Variants in MGAT4C observed in about 807,000 individuals in gnomAD.
MGAT4C encodes the protein alpha-1,3-mannosyl-glycoprotein 4-beta-N-acetylglucosaminyltransferase C.
Under a neutral mutation model 40.1 loss-of-function variants are expected in MGAT4C, and 19 were observed. The observed-to-expected ratio is 0.47, with a 90% confidence interval of 0.33 to 0.70. The LOEUF (loss-of-function observed/expected upper bound fraction) is 0.70, where lower values mean the gene tolerates loss of function less well. MGAT4C is among the 30% of genes least tolerant of loss of function. The pLI, the probability that MGAT4C is intolerant of heterozygous loss-of-function variation, is 0.02. For missense variants in MGAT4C, 491 were observed against 563.2 expected, an observed-to-expected ratio of 0.87 and a Z score of 1.30; for synonymous variants, 181 against 187.1, an observed-to-expected ratio of 0.97 and a Z score of 0.27.
chr12:86,496,073 TG>T (rs1958229424), intron 2 of MGAT4C, among the ~76,000 whole-genome samples: 1 of 151,980 alleles, frequency 6.6e-6, no homozygotes, highest in South Asian at 2.1e-4. Context: ...CAGTGACTTC[TG>T]CCCTAGCAAT....
Position 85,980,106 on chromosome 12 carries a change from G to A in MGAT4C, c.620C>T (p.Ala207Val). The A allele has an allele frequency of 1.2e-6, 2 of 1,613,732 alleles. No homozygotes were observed. Among genetic ancestry groups the A allele is most frequent in the Non-Finnish European group, 1.7e-6 (2 of 1,179,784 alleles). ...KFRSKQNVDY[A>V]FLLNFCANTS... ...ATTGGCACAAAAATTAAGCAGAAAA[G>A]CATAATCTACATTTTGCTTGGAACG... Residue 207 changes from alanine (A) to valine (V), a missense_variant, in exon 5 of 5, where the codon GCT (alanine) becomes GTT (valine). Coordinates refer to ENST00000611864, the MANE Select transcript of MGAT4C (RefSeq NM_001351288.2).
chr12:86,646,351 C>T lies in MGAT4C; in HGVS notation c.-229+80858G>A, dbSNP rs542501650. Among the ~76,000 whole-genome samples, 11 of 151,836 alleles carry T rather than the reference C, an allele frequency of 7.2e-5. No homozygotes were observed. In the East Asian group the frequency reaches 2.1e-3, roughly 30 times the overall value. On this transcript the variant is annotated intron_variant, in intron 2 of 7. Coordinates refer to the MGAT4C transcript ENST00000548651. ...ATTTATTCAATAAATATTCATTGAACATATACTGTATTCTAGATACAAAAT... is the reference window on the plus strand; with the variant it reads ...ATTTATTCAATAAATATTCATTGAATATATACTGTATTCTAGATACAAAAT...
intron 3 of MGAT4C, among the ~76,000 whole-genome samples, chr12:86,425,544 G>A (rs758541298): frequency 1.3e-5 from 2 of 152,118 alleles, no homozygotes; most frequent in South Asian, 2.1e-4. Flanking sequence ...AATAAATTAC[G>A]CAGTCTCCAG....
At chr12:86,688,232 T>C (rs1264291820) in intron 2 of MGAT4C, among the ~76,000 whole-genome samples, 1 of 151,252 alleles carries the variant, frequency 6.6e-6, no homozygotes, top group Non-Finnish European at 1.5e-5. Flanking sequence ...CTTGAGCTTA[T>C]GTGTGTCTTT....
At position 85,974,880 on chromosome 12, in the gene MGAT4C, A is replaced by G. The variant is rs573692972; in HGVS notation, c.*4409T>C. 6.0e-4 allele frequency: 90 copies of G among 150,690 alleles called. No homozygotes were observed. The highest frequency in any genetic ancestry group is 2.0e-3 in the African/African-American group (84 of 41,386). 9.3% of individuals were successfully genotyped at this position (150,690 alleles called of 1,614,324 possible). ...GCCAAGGTAATTTATAGGTCAGTGC[A>G]TTGATAACTTTTGCCAATGATAGAA... On this transcript the variant is annotated 3_prime_UTR_variant, in exon 5 of 5. Coordinates refer to ENST00000611864, the MANE Select transcript of MGAT4C (RefSeq NM_001351288.2).
At chr12:86,011,776 T>G in intron 2 of MGAT4C, 1 of 931,636 alleles carries the variant, frequency 1.1e-6, no homozygotes, top group African/African-American at 1.8e-5. Flanking sequence ...AACACTATAT[T>G]GAACATGGCA....
At chr12:86,110,272 ATATATAGTC>A in intron 1 of MGAT4C, among the ~76,000 whole-genome samples, 1 of 84,616 alleles carries the variant, frequency 1.2e-5, no homozygotes, top group Admixed American at 1.4e-4. Flanking sequence ...TATAGACTAT[ATATATAGTC>A]TATATATATA....
intron 1 of MGAT4C, among the ~76,000 whole-genome samples, chr12:86,109,408 G>T (rs987562990): frequency 6.6e-6 from 1 of 152,064 alleles, no homozygotes; most frequent in Non-Finnish European, 1.5e-5. Flanking sequence ...TTTTCTTAAA[G>T]AGTTAATTAA....
chr12:86,748,767 A>C (rs1951191072), intron 1 of MGAT4C, among the ~76,000 whole-genome samples: 1 of 151,646 alleles, frequency 6.6e-6, no homozygotes, highest in Non-Finnish European at 1.5e-5. Flanking sequence ...TTTTTTAAAC[A>C]TTTACAAAGC....
chr12:86,733,424 AAAAC>A (rs528730046), intron 1 of MGAT4C, among the ~76,000 whole-genome samples: 254 of 152,110 alleles, frequency 1.7e-3, no homozygotes, highest in Non-Finnish European at 2.0e-3. Context: ...CAAGAAGAGC[AAAAC>A]AAACAAACAA....
chr12:86,780,370 G>A (rs1169650999), intron 1 of MGAT4C, among the ~76,000 whole-genome samples: 2 of 151,442 alleles, frequency 1.3e-5, no homozygotes, highest in South Asian at 2.1e-4. Context: ...TTGCCTTTGC[G>A]TTCCCATGCA....
chr12:86,545,633 G>C (rs1165454169), intron 2 of MGAT4C, among the ~76,000 whole-genome samples: 2 of 151,822 alleles, frequency 1.3e-5, no homozygotes, highest in African/African-American at 4.8e-5. Flanking sequence ...TAGGATTTTA[G>C]AAACAGTGTG....
rs548246927 is a variant in MGAT4C, at chr12:86,823,428, T to C, written c.-262+15238A>G. Among the ~76,000 whole-genome samples the C allele has an allele frequency of 1.9e-3, 285 of 151,252 alleles. 1 individual carries two copies. The highest frequency in any genetic ancestry group is 6.6e-3 in the African/African-American group (274 of 41,364). On this transcript the variant is annotated intron_variant, in intron 1 of 7. Coordinates refer to the MGAT4C transcript ENST00000548651. ...CCATGAATTTCATGTAATTATCTGTTAATTTTTACAGAAAAATCTAAATTT... is the reference window on the plus strand; with the variant it reads ...CCATGAATTTCATGTAATTATCTGTCAATTTTTACAGAAAAATCTAAATTT...
intron 1 of MGAT4C, among the ~76,000 whole-genome samples, chr12:86,802,820 G>A (rs1488334250): frequency 2.8e-5 from 4 of 143,804 alleles, no homozygotes; most frequent in African/African-American, 7.8e-5. Flanking sequence ...AATCAATATC[G>A]TGAAAATGGC....
At chr12:86,079,285 C>G (rs1408661058) in intron 1 of MGAT4C, among the ~76,000 whole-genome samples, 1 of 152,108 alleles carries the variant, frequency 6.6e-6, no homozygotes, top group Non-Finnish European at 1.5e-5. Flanking sequence ...TAAAAAAGCA[C>G]AGAAAACAAC....
At chr12:85,999,583 G>GTGTGTATATA (rs1226916126) in intron 2 of MGAT4C, among the ~76,000 whole-genome samples, 8 of 122,962 alleles carry the variant, frequency 6.5e-5, no homozygotes, top group African/African-American at 2.3e-4. Flanking sequence ...GTGTGTGTGT[G>GTGTGTATATA]TATATATATA....
chr12:86,297,558 C>G (rs188231812), intron 4 of MGAT4C, among the ~76,000 whole-genome samples: 1 of 152,154 alleles, frequency 6.6e-6, no homozygotes. Flanking sequence ...TGTAGACTTT[C>G]CAAATCCCTT....
At chr12:86,776,526 T>C (rs1283127043) in intron 1 of MGAT4C, among the ~76,000 whole-genome samples, 1 of 152,020 alleles carries the variant, frequency 6.6e-6, no homozygotes, top group East Asian at 1.9e-4. Context: ...AAACAGCCTT[T>C]TGAGAGGATG....
At chr12:86,563,212 C>T (rs1260351571) in intron 2 of MGAT4C, among the ~76,000 whole-genome samples, 1 of 152,124 alleles carries the variant, frequency 6.6e-6, no homozygotes, top group Admixed American at 6.5e-5. Context: ...CATAGTCACT[C>T]AATTGGAAAA....
Sources: allele counts gnomAD v4.1 joint callset (sites outside exome capture counted in the v4.1 genomes callset), GRCh38; gene constraint gnomAD v4.1.1; transcripts MANE v1.5; gene names NCBI Gene and HGNC (gene_info 2026-07-23, HGNC 2026-07-21).